RHBDD2: variants seen among roughly 807,000 people sequenced by gnomAD.
The protein encoded by RHBDD2 is rhomboid domain containing 2, also known as rhomboid domain-containing protein 2.
A neutral mutation model predicts 21.7 loss-of-function variants in RHBDD2; 13 were observed. The ratio of observed to expected loss-of-function variants is 0.60; its 90% confidence interval spans 0.39 to 0.95. RHBDD2 has a LOEUF of 0.95. Ranked by LOEUF, RHBDD2 falls within the 40% of genes least tolerant of loss-of-function variation. The pLI is 0.00. For synonymous variants in RHBDD2, 225 were observed against 220.0 expected, an observed-to-expected ratio of 1.02 and a Z score of -0.20; for missense variants, 473 against 478.9, an observed-to-expected ratio of 0.99 and a Z score of 0.11.
At chr7:75,880,491 G>A (rs1805258571) in intron 1 of RHBDD2, among the ~76,000 whole-genome samples, 1 of 152,122 alleles carries the variant, frequency 6.6e-6, no homozygotes. Context: ...GAGCGTTAGA[G>A]ACGTAAGGGA....
At chr7:75,880,017 A>G (rs1805224811) in intron 1 of RHBDD2, among the ~76,000 whole-genome samples, 1 of 152,184 alleles carries the variant, frequency 6.6e-6, no homozygotes, top group South Asian at 2.1e-4. Context: ...ATTTCGTTTA[A>G]CCCTCACAAG....
At chr7:75,887,188 A>T (rs1585063472) in intron 3 of RHBDD2, among the ~76,000 whole-genome samples, 1 of 134,748 alleles carries the variant, frequency 7.4e-6, no homozygotes, top group Non-Finnish European at 1.5e-5. Flanking sequence ...CCTAGGCTGG[A>T]GTGCAGTGGC....
chr7:75,881,335 T>G, intron 1 of RHBDD2: 1 of 1,289,448 alleles, frequency 7.8e-7, no homozygotes, highest in Non-Finnish European at 1.0e-6. Flanking sequence ...GCAAAATAAT[T>G]CATGGTCCCT....
chr7:75,886,355 A>G (rs1805665667), intron 3 of RHBDD2, among the ~76,000 whole-genome samples: 1 of 151,588 alleles, frequency 6.6e-6, no homozygotes, highest in African/African-American at 2.4e-5. Flanking sequence ...TGTGGGGGAG[A>G]CTGTACATTT....
chr7:75,882,900 G>A (rs1264092836), intron 2 of RHBDD2, among the ~76,000 whole-genome samples: 2 of 152,146 alleles, frequency 1.3e-5, no homozygotes, highest in South Asian at 2.1e-4. Context: ...TAGGTCAGAC[G>A]ACCAGGATAC....
intron 1 of RHBDD2, 86 bp downstream of exon 1, chr7:75,879,346 C>G: frequency 7.9e-7 from 1 of 1,259,490 alleles, no homozygotes; most frequent in Non-Finnish European, 1.0e-6. Context: ...GGGACTCGCC[C>G]CTTCAGGCCT....
intron 2 of RHBDD2, among the ~76,000 whole-genome samples, chr7:75,882,985 C>G (rs782279249): frequency 6.6e-6 from 1 of 152,088 alleles, no homozygotes; most frequent in Non-Finnish European, 1.5e-5. Flanking sequence ...CTCACATGGT[C>G]GCACTGAGGC....
rs782017276 is a variant in RHBDD2 at position 75,888,112 on chromosome 7, C to T, written c.858C>T (p.Cys286=). 2.2e-5 allele frequency: 35 copies of T among 1,613,674 alleles called. No homozygotes were observed. In the Admixed American group the frequency reaches 5.8e-4, roughly 27 times the overall value. Residue 286 remains cysteine (C), a synonymous_variant, in exon 4 of 4, where the codon TGC becomes TGT. Transcript: ENST00000006777. The part of the protein sequence containing the change: ...SGQKLASWPS[C]TPGHMPTLPP... ...AGAAGCTGGCCTCCTGGCCCTCCTGCACCCCCGGGCACATGCCCACCTTGC... is the reference window on the plus strand; with the variant it reads ...AGAAGCTGGCCTCCTGGCCCTCCTGTACCCCCGGGCACATGCCCACCTTGC...
chr7:75,885,616 C>T (rs1191799002), intron 3 of RHBDD2, among the ~76,000 whole-genome samples: 1 of 152,134 alleles, frequency 6.6e-6, no homozygotes. Context: ...TTATTTGGCT[C>T]ATGGCTTCGT....
At chr7:75,887,847 C>A in intron 3 of RHBDD2, 145 bp from the exon 4 acceptor site, 1 of 738,756 alleles carries the variant, frequency 1.4e-6, no homozygotes, top group South Asian at 1.7e-5. Context: ...TTGAGGTTAA[C>A]CTTTCTCCCA....
chr7:75,881,571 TTCCCTCTGGAAG>T, intron 1 of RHBDD2: 1 of 1,359,492 alleles, frequency 7.4e-7, no homozygotes, highest in Non-Finnish European at 9.7e-7. Flanking sequence ...TATTATTTTT[TTCCCTCTGGAAG>T]TCAGTTACCG....
intron 3 of RHBDD2, among the ~76,000 whole-genome samples, chr7:75,887,513 C>T (rs1052829058): frequency 2.0e-5 from 3 of 151,352 alleles, no homozygotes; most frequent in African/African-American, 4.9e-5. Context: ...TAGTAGAGAC[C>T]GGGTTTCATC....
intron 1 of RHBDD2, 148 bp from the exon 2 acceptor site, chr7:75,881,681 A>T: frequency 1.1e-6 from 1 of 927,840 alleles, no homozygotes. Flanking sequence ...TGTTGAACGC[A>T]CTGCTTGTAT....
At chr7:75,886,520 T>C (rs1805678564) in intron 3 of RHBDD2, among the ~76,000 whole-genome samples, 1 of 152,106 alleles carries the variant, frequency 6.6e-6, no homozygotes, top group African/African-American at 2.4e-5. Context: ...GAGAAAGTTC[T>C]TCCATGCTGA....
At position 75,879,098 on chromosome 7, in the gene RHBDD2, C is replaced by T; in HGVS notation, c.16C>T (p.Pro6Ser). 3 of 1,367,618 alleles carry T rather than the reference C, an allele frequency of 2.2e-6. No homozygotes were observed. The highest frequency in any genetic ancestry group is 2.8e-6 in the Non-Finnish European group (3 of 1,053,002). The allele number at this position is 1,367,618 out of a possible 1,614,324, so 84.7% of individuals were successfully genotyped here. A position where few individuals can be genotyped will look rare whatever the true frequency, so the allele number is the denominator to read the frequency against. The change falls in exon 1 of 4, where the codon CCC becomes TCC. Residue 6 changes from proline to serine, a missense_variant. Transcript: ENST00000006777. MAASG[P>S]GCRSWCLCPE... ...GACGGCGGCCATGGCGGCCTCGGGG[C>T]CCGGGTGTCGCAGCTGGTGCTTGTG...
intron 1 of RHBDD2, 21 bp from the exon 2 acceptor site, chr7:75,881,808 C>CT: frequency 6.3e-7 from 1 of 1,576,404 alleles, no homozygotes; most frequent in African/African-American, 1.3e-5. Context: ...CGCCAGGCCT[C>CT]TAACCCGACT....
At chr7:75,879,325 C>A (rs1805176812) in intron 1 of RHBDD2, 65 bp downstream of exon 1, 28 of 1,369,338 alleles carry the variant, frequency 2.0e-5, no homozygotes, top group Non-Finnish European at 2.7e-5. Flanking sequence ...GGTTCCTGGG[C>A]TCTAGCCTCC....
chr7:75,886,231 C>G lies in RHBDD2; in HGVS notation c.738-1761C>G, dbSNP rs149551423. ...TCTTCCAAGAGGTGCTCCCAGCTGTCAACAGCTCAGAGCCCTTGGACTATT... is the reference window on the plus strand; with the variant it reads ...TCTTCCAAGAGGTGCTCCCAGCTGTGAACAGCTCAGAGCCCTTGGACTATT... On this transcript the variant is annotated intron_variant, in intron 3 of 3. Transcript: ENST00000006777. Among the ~76,000 whole-genome samples, 1,362 of 152,270 alleles carry G rather than the reference C, an allele frequency of 8.9e-3. 20 individuals are homozygous for G. Among genetic ancestry groups the G allele is most frequent in the African/African-American group, 0.028 (1,184 of 41,546 alleles).
Position 75,883,786 on chromosome 7 carries a change from G to C in RHBDD2, c.675G>C (p.Arg225Ser). 6.2e-7 allele frequency: 1 copy of C among 1,614,044 alleles called. No individual in the cohort carries two copies. Among genetic ancestry groups the C allele is most frequent in the Non-Finnish European group, 8.5e-7 (1 of 1,179,964 alleles). The change falls in exon 3 of 4, where the codon AGG becomes AGC. Residue 225 changes from arginine (R) to serine (S), a missense_variant. Arg to Ser is a moderately radical substitution (Grantham distance 110). Coordinates refer to ENST00000006777, the MANE Select transcript of RHBDD2 (RefSeq NM_001040456.3). ...CCTTCCCCTTCAGCCTGATGAGGAG[G>C]ATATCCGTGTTCAAGTACGTCTCAG... ...DQTFPFSLMRRISVFKYVSGS... is the reference protein window; with the variant it reads ...DQTFPFSLMRSISVFKYVSGS...
Sources: gnomAD v4.1 joint callset for allele counts (sites outside exome capture counted in the v4.1 genomes callset) on GRCh38, gnomAD v4.1.1 for gene constraint, MANE v1.5 for transcripts, NCBI Gene and HGNC (gene_info 2026-07-23, HGNC 2026-07-21) for gene names.